The following ZNF804B variants were observed in gnomAD, a reference collection of about 807,000 sequenced individuals.
ZNF804B encodes zinc finger protein 804B.
In ZNF804B, 80 loss-of-function variants were observed where a neutral mutation model predicts 101.4. The ratio of observed to expected loss-of-function variants is 0.79; its 90% CI spans 0.66 to 0.95. The LOEUF (loss-of-function observed/expected upper bound fraction) is 0.95, where lower values mean the gene tolerates loss of function less well. Among genes scored for constraint, ZNF804B ranks in the 40% least tolerant of loss-of-function variants. The pLI, the probability that ZNF804B is intolerant of heterozygous loss-of-function variation, is 0.00. For missense variants in ZNF804B, 1,673 were observed against 1,561.9 expected (o/e 1.07, Z -1.20); for synonymous variants, 622 against 558.8 (o/e 1.11, Z -1.59).
intron 2 of ZNF804B, among the ~76,000 whole-genome samples, chr7:89,255,496 T>C (rs373659588): frequency 6.6e-6 from 1 of 152,196 alleles, no homozygotes; most frequent in African/African-American, 2.4e-5. Flanking sequence ...CCAGTGGGCG[T>C]TGCTGGTTAG....
intron 1 of ZNF804B, among the ~76,000 whole-genome samples, chr7:88,770,165 A>G (rs1790041304): frequency 6.6e-6 from 1 of 152,190 alleles, no homozygotes; most frequent in African/African-American, 2.4e-5. Flanking sequence ...CAGATTAATG[A>G]TATCCCCAAA....
intron 1 of ZNF804B, among the ~76,000 whole-genome samples, chr7:88,868,152 A>G (rs562593636): frequency 2.1e-4 from 32 of 152,012 alleles, no homozygotes; most frequent in African/African-American, 4.8e-4. Context: ...AAGGTCCTCT[A>G]TATTTCAATG....
intron 2 of ZNF804B, among the ~76,000 whole-genome samples, chr7:89,234,205 AG>A (rs1197549082): frequency 2.6e-5 from 4 of 152,074 alleles, no homozygotes; most frequent in Non-Finnish European, 4.4e-5. Flanking sequence ...TTAATTGTTG[AG>A]GTGTATATAT....
intron 1 of ZNF804B, among the ~76,000 whole-genome samples, chr7:89,175,995 T>C (rs1271482119): frequency 6.6e-6 from 1 of 152,038 alleles, no homozygotes; most frequent in Non-Finnish European, 1.5e-5. Flanking sequence ...TAAGATCATA[T>C]CATCTGAAAA....
At chr7:89,064,397 A>G (rs1267044746) in intron 1 of ZNF804B, among the ~76,000 whole-genome samples, 1 of 152,174 alleles carries the variant, frequency 6.6e-6, no homozygotes, top group African/African-American at 2.4e-5. Flanking sequence ...CGTGTCTACC[A>G]TAGTCGCTTT....
chr7:89,152,446 AT>A lies in ZNF804B; in HGVS notation c.109-65707del, dbSNP rs532216522. 3.7e-4 allele frequency among the ~76,000 whole-genome samples: 56 copies of A among 152,004 alleles called. 1 individual carries two copies. The highest frequency in any genetic ancestry group is 7.2e-4 in the Non-Finnish European group (49 of 67,990). The stretch of plus-strand genomic sequence containing the variant: ...CTTCAGTTTTTTTCTATTAAATTCA[AT>A]TAAAATTAAAACATTTTTATTAAAA... On this transcript the variant is annotated intron_variant, in intron 1 of 3. Coordinates refer to ENST00000333190, the MANE Select transcript of ZNF804B (RefSeq NM_181646.5).
At chr7:89,237,884 T>G (rs1485299757) in intron 2 of ZNF804B, among the ~76,000 whole-genome samples, 2 of 152,182 alleles carry the variant, frequency 1.3e-5, no homozygotes, top group Non-Finnish European at 2.9e-5. Flanking sequence ...AACACAAAAG[T>G]ACTCTAATAA....
intron 2 of ZNF804B, among the ~76,000 whole-genome samples, chr7:89,309,335 T>A (rs918081668): frequency 6.6e-6 from 1 of 152,214 alleles, no homozygotes; most frequent in Non-Finnish European, 1.5e-5. Flanking sequence ...TCATTCATTT[T>A]TATGGCTGTG....
intron 1 of ZNF804B, among the ~76,000 whole-genome samples, chr7:89,033,930 A>C (rs961585508): frequency 2.6e-5 from 4 of 152,072 alleles, no homozygotes; most frequent in Non-Finnish European, 4.4e-5. Flanking sequence ...ATTTTTCATA[A>C]CTTTTATTAT....
intron 1 of ZNF804B, among the ~76,000 whole-genome samples, chr7:88,871,968 C>CA (rs1246794741): frequency 2.7e-5 from 4 of 148,288 alleles, no homozygotes; most frequent in Admixed American, 6.7e-5. Flanking sequence ...AACTCTGTCT[C>CA]AAAAAAAAAG....
chr7:89,188,111 G>A (rs1013728916), intron 1 of ZNF804B, among the ~76,000 whole-genome samples: 2 of 151,516 alleles, frequency 1.3e-5, no homozygotes, highest in East Asian at 1.9e-4. Context: ...TGGCAATGCC[G>A]CATCAAACAA....
intron 1 of ZNF804B, among the ~76,000 whole-genome samples, chr7:88,805,480 T>G (rs17164472): frequency 0.17 from 26,046 of 152,142 alleles, 2,308 homozygotes; most frequent in African/African-American, 0.24. Context: ...TTAAAGCCCT[T>G]TGTCCATTTT....
At chr7:88,892,198 C>A (rs1262917195) in intron 1 of ZNF804B, among the ~76,000 whole-genome samples, 2 of 151,958 alleles carry the variant, frequency 1.3e-5, no homozygotes, top group Non-Finnish European at 2.9e-5. Flanking sequence ...GTATTTAGAT[C>A]TACATTTATT....
At chr7:88,784,592 A>G (rs964062266) in intron 1 of ZNF804B, among the ~76,000 whole-genome samples, 3 of 152,118 alleles carry the variant, frequency 2.0e-5, no homozygotes, top group African/African-American at 4.8e-5. Flanking sequence ...AGTGACCTTT[A>G]TATTTTTAAA....
chr7:88,901,290 A>G (rs888747054), intron 1 of ZNF804B, among the ~76,000 whole-genome samples: 2 of 151,884 alleles, frequency 1.3e-5, no homozygotes, highest in Non-Finnish European at 3.0e-5. Context: ...TCTAAACTAA[A>G]GGCTTTAAAA....
intron 1 of ZNF804B, among the ~76,000 whole-genome samples, chr7:89,138,391 GT>G (rs1305107533): frequency 6.6e-6 from 1 of 152,126 alleles, no homozygotes; most frequent in African/African-American, 2.4e-5. Context: ...CGATGTGACC[GT>G]TGTATCTAGG....
At chr7:88,931,069 G>T (rs1403998386) in intron 1 of ZNF804B, among the ~76,000 whole-genome samples, 3 of 151,846 alleles carry the variant, frequency 2.0e-5, no homozygotes, top group African/African-American at 7.2e-5. Context: ...TGGCTCAGGG[G>T]ATTTTGATGT....
At chr7:89,317,377 C>G (rs1017445449) in intron 2 of ZNF804B, among the ~76,000 whole-genome samples, 7 of 152,142 alleles carry the variant, frequency 4.6e-5, no homozygotes, top group Non-Finnish European at 1.0e-4. Context: ...GGGAAAAGAG[C>G]AGAAAAATTG....
chr7:89,199,307 C>G (rs1053013492), intron 1 of ZNF804B, among the ~76,000 whole-genome samples: 4 of 151,852 alleles, frequency 2.6e-5, no homozygotes, highest in Non-Finnish European at 5.9e-5. Flanking sequence ...CTGCAAGACT[C>G]CATTCCCAAA....
Sources: gnomAD v4.1 joint callset for allele counts (sites outside exome capture counted in the v4.1 genomes callset) on GRCh38, gnomAD v4.1.1 for gene constraint, MANE v1.5 for transcripts, NCBI Gene and HGNC (gene_info 2026-07-23, HGNC 2026-07-21) for gene names.